The following CENPK variants were observed in gnomAD, a reference collection of about 807,000 sequenced individuals.
CENPK encodes SoxLZ/Sox6-binding protein Solt.
In CENPK, 46 loss-of-function variants were observed where a neutral mutation model predicts 40.9. That is an observed-to-expected ratio of 1.13 (90% CI 0.89 to 1.44). The LOEUF is 1.44. CENPK is among the 40% of genes most tolerant of loss of function. The pLI is 0.00. For missense variants in CENPK, 288 were observed against 303.5 expected (o/e 0.95, Z 0.38); for synonymous variants, 107 against 104.4 (o/e 1.02, Z -0.15).
At chr5:65,554,142 ATTT>A (rs34320009) in intron 3 of CENPK, among the ~76,000 whole-genome samples, 4,891 of 143,840 alleles carry the variant, frequency 0.034, 126 homozygotes, top group South Asian at 0.089. Flanking sequence ...ACCAGTAATT[ATTT>A]TTTTTTTTTT....
chr5:65,558,028 C>G (rs181244521), intron 2 of CENPK, among the ~76,000 whole-genome samples: 1 of 152,046 alleles, frequency 6.6e-6, no homozygotes, highest in Non-Finnish European at 1.5e-5. Context: ...CACTTGAGCC[C>G]GGTGAACCCA....
intron 6 of CENPK, among the ~76,000 whole-genome samples, chr5:65,533,853 TA>T (rs1746351324): frequency 3.3e-5 from 5 of 151,760 alleles, no homozygotes; most frequent in Admixed American, 3.3e-4. Context: ...CCATCCTGGC[TA>T]AAATGGTGAA....
At chr5:65,506,938 T>A in the CENPK span, among the ~76,000 whole-genome samples, 2,927 of 152,300 alleles carry the variant, frequency 0.019, 71 homozygotes, top group African/African-American at 0.059. Flanking sequence ...TGCTACTAGC[T>A]AGGATGCTTT....
chr5:65,527,602 T>C (rs923860663), intron 9 of CENPK, among the ~76,000 whole-genome samples: 22 of 147,348 alleles, frequency 1.5e-4, no homozygotes, highest in African/African-American at 5.5e-4. Context: ...TATTTGCTTT[T>C]TCAGAAAAGG....
intron 6 of CENPK, among the ~76,000 whole-genome samples, chr5:65,534,401 A>G (rs769160315): frequency 7.2e-5 from 11 of 152,218 alleles, no homozygotes; most frequent in Non-Finnish European, 2.9e-5. Context: ...GGAAATATGA[A>G]ACAATTTTGA....
intron 9 of CENPK, among the ~76,000 whole-genome samples, chr5:65,527,810 C>T (rs1251353841): frequency 2.0e-5 from 3 of 151,936 alleles, no homozygotes; most frequent in Non-Finnish European, 4.4e-5. Flanking sequence ...AAATTAGATT[C>T]AAACAATTTA....
chr5:65,545,925 T>C lies in CENPK; in HGVS notation c.242-3077A>G, dbSNP rs1748860784. Among the ~76,000 whole-genome samples the C allele has an allele frequency of 2.0e-5, 3 of 152,344 alleles. No individual in the cohort carries two copies. In the South Asian group the frequency reaches 6.2e-4, roughly 32 times the overall value. On this transcript the variant is annotated intron_variant, in intron 5 of 10. Transcript: ENST00000396679. ...ATTGTGAGATAATAAATGTATGTTATATAAAGCCACTCCAAAAAAGCCTAA... is the reference window on the plus strand; with the variant it reads ...ATTGTGAGATAATAAATGTATGTTACATAAAGCCACTCCAAAAAAGCCTAA...
At chr5:65,549,451 T>C (rs1223816875) in intron 5 of CENPK, among the ~76,000 whole-genome samples, 2 of 152,190 alleles carry the variant, frequency 1.3e-5, no homozygotes, top group Admixed American at 6.5e-5. Flanking sequence ...TTTTGAAGCT[T>C]TGGAGCCAGG....
downstream of CENPK, among the ~76,000 whole-genome samples, chr5:65,517,525 A>C (rs1742962182): frequency 6.6e-6 from 1 of 152,186 alleles, no homozygotes; most frequent in African/African-American, 2.4e-5. Flanking sequence ...TACTTCAAAT[A>C]TTTGTTTACT....
downstream of CENPK, among the ~76,000 whole-genome samples, chr5:65,516,298 T>C (rs1412569901): frequency 2.0e-5 from 3 of 152,234 alleles, no homozygotes; most frequent in African/African-American, 7.2e-5. Flanking sequence ...CTGATTGATA[T>C]AAATTACTAT....
chr5:65,530,459 T>C (rs1745584323), intron 6 of CENPK, among the ~76,000 whole-genome samples: 1 of 152,168 alleles, frequency 6.6e-6, no homozygotes, highest in South Asian at 2.1e-4. Context: ...CAAAAGAATG[T>C]TCCAGGGAAA....
intron 5 of CENPK, among the ~76,000 whole-genome samples, chr5:65,546,097 G>A (rs1748892491): frequency 6.6e-6 from 1 of 152,178 alleles, no homozygotes; most frequent in South Asian, 2.1e-4. Context: ...GAGGCCAAGA[G>A]ATTAAAAAGT....
At chr5:65,554,356 C>G (rs35450195) in intron 3 of CENPK, among the ~76,000 whole-genome samples, 2 of 151,938 alleles carry the variant, frequency 1.3e-5, no homozygotes, top group South Asian at 2.1e-4. Flanking sequence ...TTCACCATGT[C>G]GGCCAGGATG....
At chr5:65,550,947 A>G (rs1253516485) in intron 5 of CENPK, 1 of 160,776 alleles carries the variant, frequency 6.2e-6, no homozygotes, top group Non-Finnish European at 1.4e-5. Flanking sequence ...CCACTAGGTA[A>G]ATTGCATTCA....
the CENPK span, among the ~76,000 whole-genome samples, chr5:65,506,877 T>C: frequency 6.6e-6 from 1 of 152,180 alleles, no homozygotes; most frequent in Admixed American, 6.5e-5. Context: ...TCTATAAAAC[T>C]AATTTTATCA....
rs563434384 is a variant in CENPK at position 65,545,977 on chromosome 5, T to C, written c.242-3129A>G. Among the ~76,000 whole-genome samples, 53 of 152,354 alleles carry C rather than the reference T, an allele frequency of 3.5e-4. No individual in the cohort carries two copies. The South Asian group carries it at 7.7e-3, about 22-fold the overall frequency. On this transcript the variant is annotated intron_variant, in intron 5 of 10. Transcript: ENST00000396679. ...ACAAGATTGAGAAAATGTTGATAAC[T>C]GTAGAATCTGGTCTCTGAGTTTACT...
rs542352928 is a variant in CENPK at position 65,563,155 on chromosome 5, C to A, written c.-199G>T. The A allele has an allele frequency of 3.1e-6, 3 of 968,054 alleles. No homozygotes were observed. The highest frequency in any genetic ancestry group is 3.3e-5 in the African/African-American group (2 of 60,920). 60.0% of individuals were successfully genotyped at this position (968,054 alleles called of 1,614,324 possible). A position where few individuals can be genotyped will look rare whatever the true frequency, so the allele number is the denominator to read the frequency against. ...GCGCTGCGCAGGAAGCGCTTGCCAG[C>A]CCCGGACTTCTGCGCGCGCTGCATG... On this transcript the variant is annotated 5_prime_UTR_variant, in exon 1 of 11. Transcript: ENST00000396679.
rs968244632 is a variant in CENPK at position 65,541,492 on chromosome 5, T to C, written c.288+1310A>G. The C allele has an allele frequency of 2.6e-5, 12 of 455,796 alleles. No individual in the cohort carries two copies. In the Admixed American group the frequency reaches 2.8e-4, roughly 11 times the overall value. 28.2% of individuals were successfully genotyped at this position (455,796 alleles called of 1,614,324 possible). A position where few individuals can be genotyped will look rare whatever the true frequency, so the allele number is the denominator to read the frequency against. On this transcript the variant is annotated intron_variant, in intron 6 of 10. Coordinates refer to ENST00000396679, the MANE Select transcript of CENPK (RefSeq NM_022145.5). ...CCCCACACATTTTGGTAACCAGAGG[T>C]GCTACGTTGTATTGAGTGGTGACGG...
the CENPK span, among the ~76,000 whole-genome samples, chr5:65,510,686 G>C: frequency 6.6e-6 from 1 of 151,340 alleles, no homozygotes; most frequent in Admixed American, 6.6e-5. Flanking sequence ...TGAGGCAGGA[G>C]AATTGCTTGA....
Sources: gnomAD v4.1 joint callset for allele counts (sites outside exome capture counted in the v4.1 genomes callset) on GRCh38, gnomAD v4.1.1 for gene constraint, MANE v1.5 for transcripts, NCBI Gene and HGNC (gene_info 2026-07-23, HGNC 2026-07-21) for gene names.